The following SLIT2 variants were observed in gnomAD, a reference collection of about 807,000 sequenced individuals.
The protein encoded by SLIT2 is slit guidance ligand 2, also known as slit homolog 2 protein.
Under a neutral mutation model 185.7 loss-of-function variants are expected in SLIT2, and 41 were observed. The ratio of observed to expected loss-of-function variants is 0.22; its 90% CI spans 0.17 to 0.29. The LOEUF (loss-of-function observed/expected upper bound fraction) is 0.29. Ranked by LOEUF, SLIT2 falls within the 10% of genes least tolerant of loss-of-function variation. The pLI is 1.00. For missense variants in SLIT2, 1,571 were observed against 1,909.0 expected (o/e 0.82, Z 3.30); for synonymous variants, 693 against 680.2 (o/e 1.02, Z -0.29).
intron 4 of SLIT2, among the ~76,000 whole-genome samples, chr4:20,279,928 A>C (rs1161341219): frequency 6.6e-6 from 1 of 152,170 alleles, no homozygotes; most frequent in Non-Finnish European, 1.5e-5. Context: ...TCGGCTAATA[A>C]ATATCTTTTT....
At chr4:20,361,727 C>T (rs1722758174) in intron 4 of SLIT2, among the ~76,000 whole-genome samples, 1 of 152,030 alleles carries the variant, frequency 6.6e-6, no homozygotes, top group Admixed American at 6.6e-5. Context: ...GATTCTACAA[C>T]ATAAAAACAA....
intron 4 of SLIT2, among the ~76,000 whole-genome samples, chr4:20,383,693 G>A (rs992883222): frequency 2.6e-5 from 4 of 151,904 alleles, no homozygotes; most frequent in African/African-American, 9.7e-5. Flanking sequence ...CTTCCTATAT[G>A]ACCAGTGTTA....
chr4:20,338,093 A>G (rs1393707074), intron 4 of SLIT2, among the ~76,000 whole-genome samples: 1 of 152,218 alleles, frequency 6.6e-6, no homozygotes, highest in Admixed American at 6.5e-5. Flanking sequence ...ATCACTCACA[A>G]GTAAAGATTT....
intron 4 of SLIT2, among the ~76,000 whole-genome samples, chr4:20,277,773 A>G (rs1287129160): frequency 6.7e-6 from 1 of 148,988 alleles, no homozygotes; most frequent in Non-Finnish European, 1.5e-5. Flanking sequence ...ATATATATAT[A>G]TATACACACA....
intron 18 of SLIT2, among the ~76,000 whole-genome samples, chr4:20,537,832 C>G (rs1187248104): frequency 6.6e-6 from 1 of 152,172 alleles, no homozygotes; most frequent in Admixed American, 6.5e-5. Context: ...AGGCCACTTA[C>G]TAATTCATAT....
chr4:20,448,762 C>T (rs552825338), intron 4 of SLIT2, among the ~76,000 whole-genome samples: 5 of 152,180 alleles, frequency 3.3e-5, no homozygotes, highest in South Asian at 2.1e-4. Context: ...TTCAGCCTCC[C>T]GAGTAGCTGG....
chr4:20,483,887 A>T (rs1349593461), intron 6 of SLIT2, among the ~76,000 whole-genome samples: 2 of 152,146 alleles, frequency 1.3e-5, no homozygotes, highest in Non-Finnish European at 2.9e-5. Flanking sequence ...ATACACAAGT[A>T]ATCATACTTA....
rs200324316 is a variant in SLIT2, at chr4:20,354,912, A to T, written c.395+86031A>T. Among the ~76,000 whole-genome samples the T allele has an allele frequency of 5.7e-3, 727 of 126,996 alleles. 4 individuals are homozygous for T. Among genetic ancestry groups the T allele is most frequent in the Middle Eastern group, 0.019 (5 of 270 alleles). 83.3% of individuals were successfully genotyped at this position (126,996 alleles called of 152,430 possible). The stretch of plus-strand genomic sequence containing the variant: ...GTGTGTGTGTGTGTGTGTGTGAGAG[A>T]GAGAGAGAGAGAGAGAGAGAGAGAG... On this transcript the variant is annotated intron_variant, in intron 4 of 36. Transcript: ENST00000504154.
chr4:20,541,797 A>C (rs1209569449), intron 20 of SLIT2, among the ~76,000 whole-genome samples, 178 bp downstream of exon 20: 1 of 152,150 alleles, frequency 6.6e-6, no homozygotes, highest in Admixed American at 6.6e-5. Context: ...TGCCTTCCAC[A>C]TTTGAGTCTA....
chr4:20,448,699 G>A lies in SLIT2; in HGVS notation c.396-19053G>A, dbSNP rs888941688. ...TGTTGCCAGGCTGGAGTGCAGTGGC[G>A]TGATCTTCGCTCACTGCAACCTCCA... On this transcript the variant is annotated intron_variant, in intron 4 of 36. Coordinates refer to ENST00000504154, the MANE Select transcript of SLIT2 (RefSeq NM_004787.4). Among the ~76,000 whole-genome samples the A allele has an allele frequency of 3.9e-5, 6 of 151,918 alleles. No homozygotes were observed. In the South Asian group the frequency reaches 6.2e-4, roughly 16 times the overall value.
intron 4 of SLIT2, among the ~76,000 whole-genome samples, chr4:20,273,233 T>C (rs571449188): frequency 6.6e-6 from 1 of 152,090 alleles, no homozygotes; most frequent in East Asian, 1.9e-4. Flanking sequence ...ACATGCTCAT[T>C]GTAAAAAAGA....
intron 18 of SLIT2, 94 bp downstream of exon 18, chr4:20,533,809 C>A: frequency 1.0e-6 from 1 of 1,003,316 alleles, no homozygotes; most frequent in Non-Finnish European, 1.5e-6. Context: ...CTACTTTTAC[C>A]CACCCCACTC....
chr4:20,483,582 G>A (rs1346132997), intron 6 of SLIT2, among the ~76,000 whole-genome samples: 1 of 151,954 alleles, frequency 6.6e-6, no homozygotes, highest in Non-Finnish European at 1.5e-5. Flanking sequence ...ATAATTTAGT[G>A]TAATTTAATT....
At position 20,437,562 on chromosome 4, in the gene SLIT2, C is replaced by T. The variant is rs368308672; in HGVS notation, c.396-30190C>T. On this transcript the variant is annotated intron_variant, in intron 4 of 36. Coordinates refer to ENST00000504154, the MANE Select transcript of SLIT2 (RefSeq NM_004787.4). ...CCAGGAAGGTAGAGGCTGCAGTGAG[C>T]CATGATCACAGCACTGCATCCCAGC... Among the ~76,000 whole-genome samples the T allele has an allele frequency of 3.3e-5, 5 of 152,220 alleles. 1 individual carries two copies. The South Asian group carries it at 1.0e-3, about 32-fold the overall frequency.
At chr4:20,325,504 C>A (rs1400010218) in intron 4 of SLIT2, among the ~76,000 whole-genome samples, 2 of 151,062 alleles carry the variant, frequency 1.3e-5, no homozygotes, top group African/African-American at 4.9e-5. Context: ...CTGGAAAATA[C>A]CTGCAACATT....
intron 4 of SLIT2, among the ~76,000 whole-genome samples, chr4:20,279,082 G>T (rs1001627893): frequency 6.6e-6 from 1 of 151,880 alleles, no homozygotes; most frequent in Admixed American, 6.6e-5. Flanking sequence ...AACTCTCCAG[G>T]CTTGCCTCTT....
At chr4:20,307,735 C>T (rs936626921) in intron 4 of SLIT2, among the ~76,000 whole-genome samples, 3 of 152,166 alleles carry the variant, frequency 2.0e-5, no homozygotes, top group Non-Finnish European at 4.4e-5. Flanking sequence ...TTCTTTGCAT[C>T]TGTTCTTTTA....
At chr4:20,307,882 C>A (rs961268234) in intron 4 of SLIT2, among the ~76,000 whole-genome samples, 1 of 152,154 alleles carries the variant, frequency 6.6e-6, no homozygotes, top group African/African-American at 2.4e-5. Flanking sequence ...CACTGCCTGT[C>A]CCCTGACCAC....
chr4:20,481,105 A>T (rs1351259215), intron 6 of SLIT2, among the ~76,000 whole-genome samples: 2 of 152,110 alleles, frequency 1.3e-5, no homozygotes, highest in Non-Finnish European at 2.9e-5. Context: ...AACATAAAAA[A>T]AAACCTCTTA....
Sources: allele counts gnomAD v4.1 joint callset (sites outside exome capture counted in the v4.1 genomes callset), GRCh38; gene constraint gnomAD v4.1.1; transcripts MANE v1.5; gene names NCBI Gene and HGNC (gene_info 2026-07-23, HGNC 2026-07-21).